The following NELL1 variants were observed in gnomAD, a reference collection of about 807,000 sequenced individuals.
NELL1 encodes protein kinase C-binding protein NELL1.
NELL1 carries 76 observed loss-of-function variants against 107.4 expected under a neutral mutation model. That is an observed-to-expected ratio of 0.71 (90% confidence interval 0.59 to 0.86). The LOEUF is 0.86. NELL1 is among the 40% of genes least tolerant of loss of function. NELL1 has a pLI of 0.00. For missense variants in NELL1, 1,024 were observed against 1,005.5 expected, an observed-to-expected ratio of 1.02 and a Z score of -0.25; for synonymous variants, 353 against 341.2, an observed-to-expected ratio of 1.03 and a Z score of -0.38.
At chr11:21,557,415 C>T (rs1428881767) in intron 16 of NELL1, among the ~76,000 whole-genome samples, 2 of 151,886 alleles carry the variant, frequency 1.3e-5, no homozygotes, top group Non-Finnish European at 2.9e-5. Context: ...GCAAAATAAC[C>T]AAATATTTTA....
intron 12 of NELL1, among the ~76,000 whole-genome samples, chr11:21,097,161 C>A (rs542937081): frequency 6.6e-6 from 1 of 152,138 alleles, no homozygotes. Flanking sequence ...CAGATTTCTA[C>A]GTTCATTCTA....
chr11:20,859,508 G>A (rs1043078548), intron 4 of NELL1, among the ~76,000 whole-genome samples: 1 of 152,122 alleles, frequency 6.6e-6, no homozygotes, highest in African/African-American at 2.4e-5. Context: ...CTGCAAATGA[G>A]CCATTCAGCC....
chr11:21,205,919 A>T (rs971728004), intron 13 of NELL1, among the ~76,000 whole-genome samples: 1 of 152,122 alleles, frequency 6.6e-6, no homozygotes, highest in African/African-American at 2.4e-5. Flanking sequence ...TAATTTCATT[A>T]TGGACATATA....
At chr11:21,290,185 C>T (rs1396326763) in intron 14 of NELL1, among the ~76,000 whole-genome samples, 10 of 151,884 alleles carry the variant, frequency 6.6e-5, no homozygotes, top group African/African-American at 9.7e-5. Flanking sequence ...CTGTCTAACA[C>T]GGTGAAACCC....
intron 13 of NELL1, among the ~76,000 whole-genome samples, chr11:21,219,721 T>G (rs1857705968): frequency 6.6e-6 from 1 of 152,162 alleles, no homozygotes; most frequent in South Asian, 2.1e-4. Context: ...CCAGCATCAT[T>G]TAAGGAAGAG....
intron 15 of NELL1, among the ~76,000 whole-genome samples, chr11:21,387,182 C>T (rs1851765895): frequency 1.3e-5 from 2 of 151,952 alleles, no homozygotes; most frequent in African/African-American, 4.8e-5. Context: ...TTTTAGGTCT[C>T]TATTTAAATG....
intron 14 of NELL1, among the ~76,000 whole-genome samples, chr11:21,270,932 A>G (rs532722869): frequency 1.3e-5 from 2 of 152,296 alleles, no homozygotes; most frequent in Admixed American, 6.5e-5. Flanking sequence ...CTATGGGTCA[A>G]AACAGAAATC....
At chr11:21,347,519 T>C (rs901332318) in intron 14 of NELL1, among the ~76,000 whole-genome samples, 17 of 152,068 alleles carry the variant, frequency 1.1e-4, no homozygotes, top group Non-Finnish European at 2.2e-4. Context: ...GGAGAATCGC[T>C]TGAACCTGGG....
rs146037850 is a variant in NELL1 at position 20,689,072 on chromosome 11, T to G, written c.184+11012T>G. Among the ~76,000 whole-genome samples the G allele has an allele frequency of 3.3e-3, 508 of 152,258 alleles. 3 individuals carry two copies. The highest frequency in any genetic ancestry group is 6.8e-3 in the Middle Eastern group (2 of 294). On this transcript the variant is annotated intron_variant, in intron 2 of 19. Transcript: ENST00000357134. ...ATTGGCCGCTTATATGTCTTCTTTC[T>G]TCTTTTGAAAAGTGTTTGTTCATGT...
In NELL1 at chr11:20,927,407, G is replaced by C. The variant is rs11820003; in HGVS notation, c.859G>C (p.Val287Leu). Residue 287 changes from valine to leucine, a missense_variant, in exon 8 of 20, where the codon GTA becomes CTA. Coordinates refer to ENST00000357134, the MANE Select transcript of NELL1 (RefSeq NM_006157.5). ...GCTCTATCGAGATCAAGACTCTTGG[G>C]TAGATGGTGACCATTGCAGGAACTG... ...GLLYRDQDSW[V>L]DGDHCRNCTC... 2.5e-6 allele frequency: 4 copies of C among 1,612,094 alleles called. No individual in the cohort carries two copies. Among genetic ancestry groups the C allele is most frequent in the East Asian group, 2.2e-5 (1 of 44,834 alleles).
chr11:21,025,863 T>G (rs1048294582), intron 12 of NELL1, among the ~76,000 whole-genome samples: 5 of 152,218 alleles, frequency 3.3e-5, no homozygotes, highest in African/African-American at 4.8e-5. Context: ...AACCTGCATC[T>G]TCTTTAGTCT....
At chr11:20,806,584 A>G (rs113941603) in intron 3 of NELL1, among the ~76,000 whole-genome samples, 4,845 of 152,080 alleles carry the variant, frequency 0.032, 110 homozygotes, top group African/African-American at 0.053. Context: ...CTTCCTCTAG[A>G]TTTGGGAAGC....
At chr11:21,266,616 G>T (rs1848640625) in intron 14 of NELL1, among the ~76,000 whole-genome samples, 1 of 151,898 alleles carries the variant, frequency 6.6e-6, no homozygotes, top group South Asian at 2.1e-4. Flanking sequence ...CTACATTCCA[G>T]CTAATTATCT....
intron 15 of NELL1, among the ~76,000 whole-genome samples, chr11:21,491,905 G>A (rs1162530954): frequency 1.3e-5 from 2 of 151,930 alleles, no homozygotes; most frequent in Non-Finnish European, 2.9e-5. Flanking sequence ...CCCTGAAAAG[G>A]TCCTTCACTT....
intron 15 of NELL1, among the ~76,000 whole-genome samples, chr11:21,453,481 C>T (rs1853639272): frequency 2.6e-5 from 4 of 152,010 alleles, no homozygotes; most frequent in South Asian, 4.1e-4. Flanking sequence ...TTTTAGTATA[C>T]ATTTTATGTC....
At chr11:20,785,046 G>A (rs1856926280) in intron 3 of NELL1, among the ~76,000 whole-genome samples, 1 of 152,202 alleles carries the variant, frequency 6.6e-6, no homozygotes, top group Admixed American at 6.5e-5. Context: ...TGAAGCACAG[G>A]CAGAATTCCA....
intron 12 of NELL1, among the ~76,000 whole-genome samples, chr11:21,015,438 G>C (rs1425272362): frequency 6.6e-6 from 1 of 152,090 alleles, no homozygotes; most frequent in South Asian, 2.1e-4. Flanking sequence ...GAGTGACCTT[G>C]GTTAAAAATG....
rs185612675 is a variant in NELL1 at position 21,319,964 on chromosome 11, G to C, written c.1550-50889G>C. Among the ~76,000 whole-genome samples, 13 of 152,148 alleles carry C rather than the reference G, an allele frequency of 8.5e-5. No homozygotes were observed. The East Asian group carries it at 2.5e-3, about 29-fold the overall frequency. On this transcript the variant is annotated intron_variant, in intron 14 of 19. Transcript: ENST00000357134. The stretch of plus-strand genomic sequence containing the variant: ...TATGAAATTCAACAAGAAGCAGAGA[G>C]TATAGGAGAGTATGAAGGCTGATGG...
intron 2 of NELL1, among the ~76,000 whole-genome samples, chr11:20,685,212 C>A (rs1049559991): frequency 1.1e-4 from 17 of 152,018 alleles, no homozygotes; most frequent in African/African-American, 3.9e-4. Context: ...TTATAGGGCT[C>A]ATCTCTTTTG....
Sources: allele counts gnomAD v4.1 joint callset (sites outside exome capture counted in the v4.1 genomes callset), GRCh38; gene constraint gnomAD v4.1.1; transcripts MANE v1.5; gene names NCBI Gene and HGNC (gene_info 2026-07-23, HGNC 2026-07-21).